The following DLGAP4 variants were observed in gnomAD, a reference collection of about 807,000 sequenced individuals.
DLGAP4 encodes the protein DLG associated protein 4, also known as disks large-associated protein 4.
DLGAP4 carries 18 observed loss-of-function variants against 86.9 expected under a neutral mutation model. The ratio of observed to expected loss-of-function variants is 0.21; its 90% CI spans 0.14 to 0.31. DLGAP4 has a LOEUF of 0.31. Among genes scored for constraint, DLGAP4 ranks in the 10% least tolerant of loss-of-function variants. The probability of loss-of-function intolerance (pLI) is 1.00; values close to 1 mark genes in which losing one functional copy is unlikely to be tolerated. For synonymous variants in DLGAP4, 548 were observed against 574.3 expected (o/e 0.95, Z 0.65); for missense variants, 1,085 against 1,362.6 (o/e 0.80, Z 3.21).
chr20:36,455,513 G>A (rs1288403803), intron 7 of DLGAP4, among the ~76,000 whole-genome samples: 1 of 152,162 alleles, frequency 6.6e-6, no homozygotes, highest in Non-Finnish European at 1.5e-5. Flanking sequence ...AGTGCTTGTG[G>A]CTCTAGGCTG....
At chr20:36,338,061 C>T (rs6024358) in intron 1 of DLGAP4, among the ~76,000 whole-genome samples, 98,808 of 152,044 alleles carry the variant, frequency 0.65, 32,254 homozygotes, top group Middle Eastern at 0.74. Flanking sequence ...GGCAAGTAGC[C>T]TGTGCCCCTG....
chr20:36,394,244 C>T (rs1158329952), intron 2 of DLGAP4, among the ~76,000 whole-genome samples: 2 of 152,332 alleles, frequency 1.3e-5, no homozygotes, highest in Non-Finnish European at 2.9e-5. Flanking sequence ...TCACCGTTAT[C>T]CGCCCGTGTG....
intron 1 of DLGAP4, among the ~76,000 whole-genome samples, chr20:36,359,701 T>A (rs931169658): frequency 2.6e-5 from 4 of 152,194 alleles, no homozygotes; most frequent in African/African-American, 9.7e-5. Flanking sequence ...TGCAAGGACC[T>A]GCTATGAGGC....
At chr20:36,400,763 G>C (rs1006869946) in intron 2 of DLGAP4, among the ~76,000 whole-genome samples, 7 of 151,714 alleles carry the variant, frequency 4.6e-5, no homozygotes, top group Non-Finnish European at 1.5e-5. Flanking sequence ...GGAGTGGGGG[G>C]AATCTGGGGG....
At chr20:36,397,398 C>A (rs138660112) in intron 2 of DLGAP4, among the ~76,000 whole-genome samples, 2 of 152,206 alleles carry the variant, frequency 1.3e-5, no homozygotes, top group African/African-American at 4.8e-5. Flanking sequence ...TTCCGTGTCA[C>A]GCCCTGGCCA....
intron 2 of DLGAP4, among the ~76,000 whole-genome samples, chr20:36,421,819 A>T (rs1156285782): frequency 6.6e-6 from 1 of 152,124 alleles, no homozygotes; most frequent in African/African-American, 2.4e-5. Context: ...CCAGGGCAAG[A>T]TGTCAAGGAG....
At chr20:36,510,843 C>T (rs1018012792) in intron 10 of DLGAP4, 2 of 152,240 alleles carry the variant, frequency 1.3e-5, no homozygotes, top group African/African-American at 4.8e-5. Context: ...AGGAGTGAGC[C>T]ACCGTGCCCA....
intron 7 of DLGAP4, among the ~76,000 whole-genome samples, chr20:36,482,470 C>T (rs1267145349): frequency 6.6e-6 from 1 of 152,050 alleles, no homozygotes; most frequent in Non-Finnish European, 1.5e-5. Flanking sequence ...GATCTTAGGG[C>T]TTTGGAAAGG....
chr20:36,380,849 G>A (rs999535250), intron 2 of DLGAP4, among the ~76,000 whole-genome samples: 18 of 152,194 alleles, frequency 1.2e-4, no homozygotes, highest in African/African-American at 3.9e-4. Context: ...CATGCTTCGC[G>A]AGTTTCCTTT....
In DLGAP4 at chr20:36,392,279, A is replaced by T. The variant is rs1342721711; in HGVS notation, c.-73+25004A>T. Among the ~76,000 whole-genome samples the T allele has an allele frequency of 2.0e-5, 3 of 152,198 alleles. No homozygotes were observed. In the East Asian group the frequency reaches 5.8e-4, roughly 29 times the overall value. On this transcript the variant is annotated intron_variant, in intron 2 of 12. Transcript: ENST00000339266. ...TCAGCTCAAATGCGTTGAGTCTCAG[A>T]TGTCTGGCCAGCAAGCAGGAGAGAC...
chr20:36,526,086 T>C, intron 12 of DLGAP4, 80 bp downstream of exon 12: 1 of 1,597,746 alleles, frequency 6.3e-7, no homozygotes, highest in Non-Finnish European at 8.6e-7. Context: ...CGGTCAGTGC[T>C]GCTTGGCTCC....
At chr20:36,418,181 T>A (rs958463714) in intron 2 of DLGAP4, among the ~76,000 whole-genome samples, 2 of 151,878 alleles carry the variant, frequency 1.3e-5, no homozygotes, top group East Asian at 1.9e-4. Context: ...TGGCGCGATC[T>A]TGGCTCACTG....
At chr20:36,417,438 G>A (rs1250168669) in intron 2 of DLGAP4, among the ~76,000 whole-genome samples, 1 of 152,088 alleles carries the variant, frequency 6.6e-6, no homozygotes, top group East Asian at 1.9e-4. Flanking sequence ...CTGGAGTATA[G>A]TGGCACAATC....
At chr20:36,394,459 C>T (rs750434470) in intron 2 of DLGAP4, among the ~76,000 whole-genome samples, 19 of 152,198 alleles carry the variant, frequency 1.2e-4, no homozygotes, top group Non-Finnish European at 2.4e-4. Flanking sequence ...ACTCCTAAGA[C>T]GGACTCCATG....
chr20:36,428,212 C>T (rs2033033605), intron 2 of DLGAP4, among the ~76,000 whole-genome samples: 1 of 152,168 alleles, frequency 6.6e-6, no homozygotes, highest in Non-Finnish European at 1.5e-5. Context: ...ATACTGTCAA[C>T]CTGGTAGCCA....
intron 1 of DLGAP4, among the ~76,000 whole-genome samples, chr20:36,341,018 G>A (rs370418345): frequency 5.6e-4 from 85 of 152,314 alleles, no homozygotes; most frequent in African/African-American, 1.9e-3. Context: ...TGCTCCAGGC[G>A]GTAGCTCTGA....
At chr20:36,498,237 TCCCCATGTATAAACAGAGA>T (rs1209004538) in intron 8 of DLGAP4, 1 of 152,254 alleles carries the variant, frequency 6.6e-6, no homozygotes, top group Non-Finnish European at 1.5e-5. Context: ...GGCTTCCACT[TCCCCATGTATAAACAGAGA>T]GAGAGTTGGC....
At chr20:36,414,510 T>A (rs1314945287) in intron 2 of DLGAP4, among the ~76,000 whole-genome samples, 2 of 152,272 alleles carry the variant, frequency 1.3e-5, no homozygotes, top group Admixed American at 6.5e-5. Context: ...ATGGCCAGGC[T>A]GCTGATTCTC....
rs1041257175 is a variant in DLGAP4 at position 36,306,835 on chromosome 20, C to T, written c.-304+323C>T. ...GGATCCCCATTCCGGCTCTTTTTCC[C>T]GCGGACTCCCCCGTACCCCATATCA... On this transcript the variant is annotated intron_variant, in intron 1 of 12. Transcript: ENST00000339266. This position sits in a 1 kb window ranked among gnomAD's most constrained non-coding sequence, Gnocchi z 4.9. Among the ~76,000 whole-genome samples the T allele has an allele frequency of 6.6e-6, 1 of 152,112 alleles. No individual in the cohort carries two copies. Among genetic ancestry groups the T allele is most frequent in the African/African-American group, 2.4e-5 (1 of 41,442 alleles).
Sources: gnomAD v4.1 joint callset for allele counts (sites outside exome capture counted in the v4.1 genomes callset) on GRCh38, gnomAD v4.1.1 for gene constraint, Gnocchi (gnomAD v3.1) non-coding constraint, MANE v1.5 for transcripts, NCBI Gene and HGNC (gene_info 2026-07-23, HGNC 2026-07-21) for gene names.